The following GIPC2 variants were observed in gnomAD, a reference collection of about 807,000 sequenced individuals.
GIPC2 encodes the protein PDZ domain-containing protein GIPC2.
In GIPC2, 30 loss-of-function variants were observed where a neutral mutation model predicts 30.6. The observed-to-expected ratio is 0.98, with a 90% CI of 0.73 to 1.33. The LOEUF is 1.33. Ranked by LOEUF, GIPC2 falls within the 40% of genes most tolerant of loss-of-function variation. The probability of loss-of-function intolerance (pLI) is 0.00; values close to 1 mark genes in which losing one functional copy is unlikely to be tolerated. For missense variants in GIPC2, 414 were observed against 390.3 expected (o/e 1.06, Z -0.51); for synonymous variants, 167 against 150.0 (o/e 1.11, Z -0.83).
intron 3 of GIPC2, among the ~76,000 whole-genome samples, chr1:78,107,086 C>T (rs1040463913): frequency 1.3e-5 from 2 of 149,058 alleles, no homozygotes; most frequent in African/African-American, 2.5e-5. Flanking sequence ...CTCTTTCTCC[C>T]TCCCTCTTTC....
chr1:78,065,856 A>T (rs1661499778), intron 1 of GIPC2, among the ~76,000 whole-genome samples: 3 of 152,214 alleles, frequency 2.0e-5, no homozygotes, highest in Non-Finnish European at 2.9e-5. Flanking sequence ...AGAAGATTAA[A>T]GCTGGACCTT....
chr1:78,106,431 G>A (rs1286100061), intron 3 of GIPC2, among the ~76,000 whole-genome samples: 2 of 150,892 alleles, frequency 1.3e-5, no homozygotes, highest in African/African-American at 4.9e-5. Context: ...ATGGTGGCAG[G>A]CGCCTGTAGT....
chr1:78,091,610 G>C, intron 2 of GIPC2: 1 of 766,360 alleles, frequency 1.3e-6, no homozygotes, highest in Non-Finnish European at 2.4e-6. Context: ...GAATGCGTTC[G>C]TCGTGTCTGC....
intron 1 of GIPC2, among the ~76,000 whole-genome samples, chr1:78,075,172 G>T (rs1282670760): frequency 6.6e-6 from 1 of 152,262 alleles, no homozygotes; most frequent in African/African-American, 2.4e-5. Flanking sequence ...TTACATAAAA[G>T]AGAGCTGTGT....
chr1:78,064,067 A>G (rs1048242387), intron 1 of GIPC2, among the ~76,000 whole-genome samples: 1 of 152,242 alleles, frequency 6.6e-6, no homozygotes, highest in Non-Finnish European at 1.5e-5. Context: ...ACAAATCCAA[A>G]TAACATGGGC....
At chr1:78,070,733 A>T (rs1051227786) in intron 1 of GIPC2, among the ~76,000 whole-genome samples, 2 of 152,114 alleles carry the variant, frequency 1.3e-5, no homozygotes, top group Non-Finnish European at 2.9e-5. Flanking sequence ...TCTTTTGGTT[A>T]TGCTGGGAAG....
chr1:78,062,824 C>T (rs1661419091), intron 1 of GIPC2, among the ~76,000 whole-genome samples: 1 of 152,006 alleles, frequency 6.6e-6, no homozygotes, highest in Non-Finnish European at 1.5e-5. Flanking sequence ...TTGTTGAACA[C>T]CTATTACCAC....
rs1038521180 is a variant in GIPC2, at chr1:78,138,316, C to G, written c.*2573C>G. On this transcript the variant is annotated 3_prime_UTR_variant, in exon 6 of 6. Transcript: ENST00000370759. ...ATTATAAAAGCAATAATCAGGTAAC[C>G]TCTATTTGGAGCTGCTACATCCAAT... 1.3e-5 allele frequency: 2 copies of G among 152,128 alleles called. No homozygotes were observed. Among genetic ancestry groups the G allele is most frequent in the Admixed American group, 6.5e-5 (1 of 15,274 alleles). 9.4% of individuals were successfully genotyped at this position (152,128 alleles called of 1,614,324 possible). A position where few individuals can be genotyped will look rare whatever the true frequency, so the allele number is the denominator to read the frequency against.
Position 78,046,435 on chromosome 1 carries a change from G to C in GIPC2, c.240+101G>C. 3.5e-6 allele frequency: 4 copies of C among 1,141,980 alleles called. No individual in the cohort carries two copies. In the South Asian group the frequency reaches 5.5e-5, roughly 16 times the overall value. The allele number at this position is 1,141,980 out of a possible 1,614,324, so 70.7% of individuals were successfully genotyped here. On this transcript the variant is annotated intron_variant, in intron 1 of 5. Transcript: ENST00000370759. ...GGAGGGTTGAGCGGCGTTTCCCGGA[G>C]CGCGAAATCCGATGCCGTGTTGAGT... is the stretch of plus-strand genomic sequence containing the variant.
In GIPC2 at chr1:78,064,182, C is replaced by G. The variant is rs2102643599; in HGVS notation, c.241-16493C>G. On this transcript the variant is annotated intron_variant, in intron 1 of 5. Transcript: ENST00000370759. ...CCTTGATTTACATGGTAATTGCAGC[C>G]CATAGAAATTCAGAATAAAAAATAC... Among the ~76,000 whole-genome samples the G allele has an allele frequency of 1.3e-5, 2 of 152,232 alleles. 1 individual carries two copies. Among genetic ancestry groups the G allele is most frequent in the Non-Finnish European group, 2.9e-5 (2 of 68,024 alleles).
chr1:78,068,067 G>A (rs1661552512), intron 1 of GIPC2, among the ~76,000 whole-genome samples: 1 of 151,848 alleles, frequency 6.6e-6, no homozygotes, highest in South Asian at 2.1e-4. Context: ...TTAAACTTGG[G>A]CAATAATACA....
chr1:78,068,764 A>T (rs577317345), intron 1 of GIPC2, among the ~76,000 whole-genome samples: 1 of 152,176 alleles, frequency 6.6e-6, no homozygotes, highest in Non-Finnish European at 1.5e-5. Context: ...AAGGTTTTGC[A>T]TTATAGGCAT....
intron 3 of GIPC2, among the ~76,000 whole-genome samples, chr1:78,115,621 C>G (rs751632431): frequency 1.3e-5 from 2 of 152,172 alleles, no homozygotes; most frequent in Admixed American, 6.5e-5. Flanking sequence ...CATGATAATT[C>G]TTTCTTCCCT....
chr1:78,113,323 CAT>C (rs1207578517), intron 3 of GIPC2, among the ~76,000 whole-genome samples: 2 of 152,180 alleles, frequency 1.3e-5, no homozygotes, highest in Non-Finnish European at 2.9e-5. Context: ...ATCTTCACAC[CAT>C]AGTCTCCTGA....
intron 5 of GIPC2, among the ~76,000 whole-genome samples, chr1:78,126,254 T>A (rs773564639): frequency 9.9e-5 from 15 of 152,228 alleles, no homozygotes; most frequent in Non-Finnish European, 1.3e-4. Context: ...ATACATAAAA[T>A]GAATTTTGTA....
At chr1:78,120,329 G>C (rs1215868941) in intron 4 of GIPC2, among the ~76,000 whole-genome samples, 1 of 152,034 alleles carries the variant, frequency 6.6e-6, no homozygotes, top group Non-Finnish European at 1.5e-5. Flanking sequence ...CCCATCTCAG[G>C]CTCTCAGTAC....
intron 3 of GIPC2, among the ~76,000 whole-genome samples, chr1:78,098,594 G>A (rs1662183104): frequency 6.6e-6 from 1 of 152,162 alleles, no homozygotes; most frequent in Non-Finnish European, 1.5e-5. Context: ...TGCCTTTCGA[G>A]GAGCTCATGG....
At chr1:78,048,828 C>G (rs1358274936) in intron 1 of GIPC2, among the ~76,000 whole-genome samples, 1 of 152,026 alleles carries the variant, frequency 6.6e-6, no homozygotes, top group Non-Finnish European at 1.5e-5. Flanking sequence ...CTTGCAAGGT[C>G]AGTTTCCAAG....
intron 1 of GIPC2, among the ~76,000 whole-genome samples, chr1:78,072,736 A>G (rs1661644372): frequency 1.3e-5 from 2 of 152,174 alleles, no homozygotes; most frequent in African/African-American, 4.8e-5. Flanking sequence ...CAAAGGAACC[A>G]TAATCCAGGT....
Sources: gnomAD v4.1 joint callset for allele counts (sites outside exome capture counted in the v4.1 genomes callset) on GRCh38, gnomAD v4.1.1 for gene constraint, MANE v1.5 for transcripts, NCBI Gene and HGNC (gene_info 2026-07-23, HGNC 2026-07-21) for gene names.